ZNF385B: variants seen among roughly 807,000 people sequenced by gnomAD.
ZNF385B encodes the protein zinc finger protein 385B.
In ZNF385B, 23 loss-of-function variants were observed where a neutral mutation model predicts 39.2. The ratio of observed to expected loss-of-function variants is 0.59; its 90% confidence interval spans 0.42 to 0.83. The LOEUF is 0.83. Among genes scored for constraint, ZNF385B ranks in the 40% least tolerant of loss-of-function variants. The pLI is 0.00. For synonymous variants in ZNF385B, 205 were observed against 222.6 expected, an observed-to-expected ratio of 0.92 and a Z score of 0.70; for missense variants, 552 against 598.9, an observed-to-expected ratio of 0.92 and a Z score of 0.82.
chr2:179,512,440 T>C (rs993285983), intron 5 of ZNF385B, among the ~76,000 whole-genome samples: 1 of 152,196 alleles, frequency 6.6e-6, no homozygotes, highest in Non-Finnish European at 1.5e-5. Flanking sequence ...TTAGAAATTA[T>C]TTGGGATCTG....
intron 3 of ZNF385B, among the ~76,000 whole-genome samples, chr2:179,749,525 C>T (rs1181440817): frequency 1.3e-5 from 2 of 152,104 alleles, no homozygotes; most frequent in African/African-American, 4.8e-5. Flanking sequence ...AGAACACTGT[C>T]CAACAGCCTC....
intron 3 of ZNF385B, among the ~76,000 whole-genome samples, chr2:179,732,884 T>C (rs1207938174): frequency 6.6e-6 from 1 of 152,234 alleles, no homozygotes; most frequent in Non-Finnish European, 1.5e-5. Flanking sequence ...ATTATTTTAA[T>C]GTGGTTTTGG....
In ZNF385B at chr2:179,603,852, C is replaced by T. The variant is rs186278578; in HGVS notation, c.299-58883G>A. On this transcript the variant is annotated intron_variant, in intron 3 of 9. Transcript: ENST00000410066. Reference sequence around the variant, plus strand: ...AATTCTATATTTATGGGAGAGTAAACAGGAATGCATCAAATAAAATTAAAT... The same window carrying T: ...AATTCTATATTTATGGGAGAGTAAATAGGAATGCATCAAATAAAATTAAAT... Among the ~76,000 whole-genome samples the T allele has an allele frequency of 2.0e-5, 3 of 152,196 alleles. No homozygotes were observed. The East Asian group carries it at 5.8e-4, about 29-fold the overall frequency.
chr2:179,788,279 C>A (rs1049500226), intron 1 of ZNF385B, among the ~76,000 whole-genome samples: 4 of 152,110 alleles, frequency 2.6e-5, no homozygotes, highest in Non-Finnish European at 5.9e-5. Context: ...TCAGTACCTC[C>A]TGTGAGCAAT....
chr2:179,803,244 C>T (rs1192126079), intron 1 of ZNF385B, among the ~76,000 whole-genome samples: 1 of 152,058 alleles, frequency 6.6e-6, no homozygotes, highest in African/African-American at 2.4e-5. Context: ...ATCTTTGTGA[C>T]ACAGGGCATA....
intron 3 of ZNF385B, among the ~76,000 whole-genome samples, chr2:179,683,893 C>T (rs1697726949): frequency 6.6e-6 from 1 of 152,176 alleles, no homozygotes; most frequent in Non-Finnish European, 1.5e-5. Context: ...CCTGAACAAA[C>T]TGTGCTAAGG....
chr2:179,549,394 A>C (rs934166146), intron 3 of ZNF385B, among the ~76,000 whole-genome samples: 1 of 149,570 alleles, frequency 6.7e-6, no homozygotes, highest in East Asian at 1.9e-4. Flanking sequence ...ATTTTGAGGA[A>C]GTGGCAGGCT....
intron 3 of ZNF385B, among the ~76,000 whole-genome samples, chr2:179,574,929 AG>A (rs933279572): frequency 6.6e-6 from 1 of 152,076 alleles, no homozygotes. Context: ...GCCCTCCTCC[AG>A]TCTCTCTAAT....
intron 1 of ZNF385B, among the ~76,000 whole-genome samples, chr2:179,825,043 G>A (rs911527347): frequency 9.9e-4 from 150 of 152,224 alleles, no homozygotes; most frequent in African/African-American, 3.5e-3. Context: ...TCTAACATAC[G>A]AAAGAAAATT....
At chr2:179,547,506 G>A (rs778342821) in intron 3 of ZNF385B, among the ~76,000 whole-genome samples, 1 of 149,158 alleles carries the variant, frequency 6.7e-6, no homozygotes, top group Non-Finnish European at 1.5e-5. Flanking sequence ...TGACACCTTT[G>A]TCAAAAATGA....
chr2:179,727,750 C>G (rs942501851), intron 3 of ZNF385B, among the ~76,000 whole-genome samples: 2 of 151,916 alleles, frequency 1.3e-5, no homozygotes, highest in African/African-American at 4.8e-5. Context: ...CACCTAAATC[C>G]TATGTATTTA....
At chr2:179,647,606 TG>T (rs1251607307) in intron 3 of ZNF385B, among the ~76,000 whole-genome samples, 1 of 152,198 alleles carries the variant, frequency 6.6e-6, no homozygotes. Context: ...AGCAGGTATG[TG>T]GCTAGGAGTT....
chr2:179,675,712 T>C (rs1696663522), intron 3 of ZNF385B, among the ~76,000 whole-genome samples: 2 of 152,134 alleles, frequency 1.3e-5, no homozygotes, highest in Non-Finnish European at 1.5e-5. Context: ...GAGTGCTTTG[T>C]GTCCAACTAG....
At chr2:179,711,374 T>A (rs181982400) in intron 3 of ZNF385B, among the ~76,000 whole-genome samples, 2 of 152,286 alleles carry the variant, frequency 1.3e-5, no homozygotes, top group Non-Finnish European at 2.9e-5. Flanking sequence ...GCTGCTGCAA[T>A]GTCTGACTGC....
intron 3 of ZNF385B, among the ~76,000 whole-genome samples, chr2:179,617,105 A>G (rs1311532602): frequency 3.3e-5 from 5 of 152,172 alleles, no homozygotes; most frequent in African/African-American, 9.7e-5. Context: ...CATTTAATAA[A>G]CAGCTGCTAA....
At chr2:179,582,411 T>C (rs972868598) in intron 3 of ZNF385B, among the ~76,000 whole-genome samples, 9 of 152,190 alleles carry the variant, frequency 5.9e-5, no homozygotes, top group Non-Finnish European at 8.8e-5. Flanking sequence ...CTGATTCTCC[T>C]GGACTATGAA....
chr2:179,709,991 C>T (rs1479846587), intron 3 of ZNF385B, among the ~76,000 whole-genome samples: 1 of 152,230 alleles, frequency 6.6e-6, no homozygotes, highest in African/African-American at 2.4e-5. Flanking sequence ...CTTTACCAGA[C>T]ACAAAGTGCA....
At chr2:179,815,977 T>C (rs545809706) in intron 1 of ZNF385B, among the ~76,000 whole-genome samples, 104 of 152,114 alleles carry the variant, frequency 6.8e-4, no homozygotes, top group Middle Eastern at 6.8e-3. Flanking sequence ...TCTTTAAATA[T>C]GTTTGTACAC....
chr2:179,469,577 T>C (rs1396467100), intron 6 of ZNF385B, among the ~76,000 whole-genome samples: 3 of 152,080 alleles, frequency 2.0e-5, no homozygotes, highest in Non-Finnish European at 4.4e-5. Context: ...AAGCACAAAT[T>C]GGCCGACTTT....
Sources: gnomAD v4.1 joint callset for allele counts (sites outside exome capture counted in the v4.1 genomes callset) on GRCh38, gnomAD v4.1.1 for gene constraint, MANE v1.5 for transcripts, NCBI Gene and HGNC (gene_info 2026-07-23, HGNC 2026-07-21) for gene names.